Variants in SSH2 observed in about 807,000 individuals in gnomAD.
SSH2 encodes slingshot protein phosphatase 2.
In SSH2, 37 loss-of-function variants were observed where a neutral mutation model predicts 135.2. The observed-to-expected ratio is 0.27, with a 90% CI of 0.21 to 0.36. SSH2 has a LOEUF of 0.36. SSH2 is among the 10% of genes least tolerant of loss of function. SSH2 has a pLI of 1.00. For missense variants in SSH2, 1,408 were observed against 1,765.3 expected (o/e 0.80, Z 3.63); for synonymous variants, 628 against 646.2 (o/e 0.97, Z 0.43).
chr17:29,797,955 T>C (rs1888690038), intron 2 of SSH2, among the ~76,000 whole-genome samples: 1 of 152,192 alleles, frequency 6.6e-6, no homozygotes, highest in South Asian at 2.1e-4. Flanking sequence ...GGGATTGACA[T>C]AAGTTTTTAT....
At chr17:29,822,714 C>T (rs1205966210) in intron 2 of SSH2, among the ~76,000 whole-genome samples, 1 of 152,130 alleles carries the variant, frequency 6.6e-6, no homozygotes, top group Non-Finnish European at 1.5e-5. Context: ...TCCTCCAATT[C>T]CTATTTCCAC....
At chr17:29,902,795 G>C (rs771750540) in intron 1 of SSH2, among the ~76,000 whole-genome samples, 4 of 151,886 alleles carry the variant, frequency 2.6e-5, no homozygotes, top group Non-Finnish European at 5.9e-5. Flanking sequence ...ATCTAGGAGA[G>C]GTAGGAAAAA....
rs530386717 is a variant in SSH2 at position 29,689,000 on chromosome 17, C to CA, written c.358-4317dup. Among the ~76,000 whole-genome samples the CA allele has an allele frequency of 1.1e-4, 17 of 151,758 alleles. No homozygotes were observed. The East Asian group carries it at 2.9e-3, about 26-fold the overall frequency. ...CAAAATCCTCTCTCTACTAAAAATA[C>CA]AAAAAAAATTAGCTGGGTGTGGTGG... is the stretch of plus-strand genomic sequence containing the variant. On this transcript the variant is annotated intron_variant, in intron 5 of 15. Coordinates refer to ENST00000540801, the MANE Select transcript of SSH2 (RefSeq NM_001282129.2).
intron 8 of SSH2, chr17:29,676,068 G>C (rs1194191521): frequency 6.6e-6 from 1 of 152,110 alleles, no homozygotes; most frequent in Non-Finnish European, 1.5e-5. Context: ...GGCTTTATTT[G>C]CATTATGCAA....
chr17:29,893,254 G>A (rs1256206466), intron 1 of SSH2, among the ~76,000 whole-genome samples: 2 of 150,686 alleles, frequency 1.3e-5, no homozygotes, highest in African/African-American at 2.4e-5. Flanking sequence ...CCTAACTAGA[G>A]TACCTAGTCC....
At chr17:29,806,955 G>A (rs9910796) in intron 2 of SSH2, among the ~76,000 whole-genome samples, 7,750 of 152,206 alleles carry the variant, frequency 0.051, 636 homozygotes, top group African/African-American at 0.17. Context: ...TGATTACCAC[G>A]CTTCCACAAG....
chr17:29,889,813 A>C lies in SSH2; in HGVS notation c.63+40125T>G, dbSNP rs1361672788. On this transcript the variant is annotated intron_variant, in intron 1 of 15. Transcript: ENST00000540801. ...GGCCCCATCTCTACCAAAAAAAAAA[A>C]AAAAAAAAAAAAAAACCAGCCAGGT... Among the ~76,000 whole-genome samples, 5 of 149,200 alleles carry C rather than the reference A, an allele frequency of 3.4e-5. No homozygotes were observed. The East Asian group carries it at 9.7e-4, about 29-fold the overall frequency.
intron 14 of SSH2, among the ~76,000 whole-genome samples, chr17:29,637,592 G>A (rs1437933229): frequency 2.0e-5 from 3 of 151,858 alleles, no homozygotes; most frequent in African/African-American, 7.3e-5. Flanking sequence ...GACCAGCCTG[G>A]GCAACATGGT....
chr17:29,649,446 G>A lies in SSH2; in HGVS notation c.1227-1102C>T, dbSNP rs528104381. Among the ~76,000 whole-genome samples the A allele has an allele frequency of 2.6e-5, 4 of 151,240 alleles. No individual in the cohort carries two copies. In the East Asian group the frequency reaches 5.8e-4, roughly 22 times the overall value. On this transcript the variant is annotated intron_variant, in intron 13 of 15. Transcript: ENST00000540801. ...AACCCAGGCTCAAGTGCAGTGGTGC[G>A]ACCACAGCTCACTGCAGCCTCAACC...
chr17:29,904,809 G>A (rs899025734), intron 1 of SSH2, among the ~76,000 whole-genome samples: 3 of 152,078 alleles, frequency 2.0e-5, no homozygotes, highest in Non-Finnish European at 4.4e-5. Flanking sequence ...AATGTCTCAG[G>A]ATACAAAATT....
chr17:29,636,068 A>G lies in SSH2; in HGVS notation c.2162T>C (p.Val721Ala), dbSNP rs1328683343. ...ATCAGCTGTCACTTTGGAAGGGGCT[A>G]CTTCTACCACTGACAGTCGACAGCT... Reference protein sequence around the residue: ...NESCRLSVVEVAPSKVTADDQ... With the variant: ...NESCRLSVVEAAPSKVTADDQ... The change falls in exon 15 of 16, where the codon GTA becomes GCA. Residue 721 changes from valine (V) to alanine (A), a missense_variant. Physicochemically the swap from Val to Ala is moderately conservative, Grantham distance 64. This residue lies in a region of SSH2 where 1,080 missense variants were observed against 1,144.5 expected (regional missense o/e 0.94). Coordinates refer to ENST00000540801, the MANE Select transcript of SSH2 (RefSeq NM_001282129.2). 3.1e-6 allele frequency: 5 copies of G among 1,614,180 alleles called. No homozygotes were observed. The highest frequency in any genetic ancestry group is 4.2e-6 in the Non-Finnish European group (5 of 1,180,022).
intron 3 of SSH2, among the ~76,000 whole-genome samples, chr17:29,724,384 C>T (rs539899671): frequency 7.9e-5 from 12 of 151,794 alleles, no homozygotes; most frequent in African/African-American, 1.7e-4. Flanking sequence ...CAAAATTAGC[C>T]GGGCGTGGTG....
rs374024020 is a variant in SSH2, at chr17:29,667,011, T to C, written c.904-16A>G. The C allele has an allele frequency of 6.2e-7, 1 of 1,614,066 alleles. No individual in the cohort carries two copies. The highest frequency in any genetic ancestry group is 1.3e-5 in the African/African-American group (1 of 75,040). ...CTGTTCTTATCTGAAACAAAGATGATATATTGGACCCATCTCTTAAAGTCC... is the reference window on the plus strand; with the variant it reads ...CTGTTCTTATCTGAAACAAAGATGACATATTGGACCCATCTCTTAAAGTCC... On this transcript the variant is annotated splice_polypyrimidine_tract_variant and intron_variant, in intron 10 of 15. Transcript: ENST00000540801.
intron 1 of SSH2, among the ~76,000 whole-genome samples, chr17:29,872,628 A>G (rs2065957159): frequency 6.6e-6 from 1 of 152,146 alleles, no homozygotes; most frequent in Non-Finnish European, 1.5e-5. Context: ...AAGGCAGAGG[A>G]GCTAGCGGTC....
chr17:29,746,977 TATAA>T (rs1433456734), intron 3 of SSH2, among the ~76,000 whole-genome samples: 1 of 152,198 alleles, frequency 6.6e-6, no homozygotes. Context: ...AGACAATCAA[TATAA>T]AGTCCACAAT....
At chr17:29,743,650 A>G (rs1361051419) in intron 3 of SSH2, among the ~76,000 whole-genome samples, 1 of 152,212 alleles carries the variant, frequency 6.6e-6, no homozygotes, top group Non-Finnish European at 1.5e-5. Context: ...TTCTTAACAA[A>G]TGTACTCAAG....
intron 3 of SSH2, among the ~76,000 whole-genome samples, chr17:29,745,303 G>T (rs558643012): frequency 1.3e-5 from 2 of 152,018 alleles, no homozygotes; most frequent in Non-Finnish European, 2.9e-5. Context: ...GGGATTACAG[G>T]CGCCCATCAC....
chr17:29,860,415 C>A (rs867136677), intron 1 of SSH2, among the ~76,000 whole-genome samples: 1 of 148,298 alleles, frequency 6.7e-6, no homozygotes, highest in African/African-American at 2.5e-5. Flanking sequence ...TTTTGAAAAG[C>A]GTCTCTTCAT....
intron 15 of SSH2, among the ~76,000 whole-genome samples, chr17:29,633,654 A>G (rs972081710): frequency 6.6e-6 from 1 of 152,228 alleles, no homozygotes; most frequent in Non-Finnish European, 1.5e-5. Flanking sequence ...CTTAGAAACC[A>G]TAACTCTCTA....
Sources: gnomAD v4.1 joint callset for allele counts (sites outside exome capture counted in the v4.1 genomes callset) on GRCh38, gnomAD v4.1.1 for gene constraint, gnomAD v4.1.1 regional missense constraint, MANE v1.5 for transcripts, NCBI Gene and HGNC (gene_info 2026-07-23, HGNC 2026-07-21) for gene names.